The following KDM3B variants were observed in gnomAD, a reference collection of about 807,000 sequenced individuals.
KDM3B encodes lysine-specific demethylase 3B.
KDM3B carries 10 observed loss-of-function variants against 170.0 expected under a neutral mutation model. The ratio of observed to expected loss-of-function variants is 0.06; its 90% CI spans 0.04 to 0.10. The LOEUF (loss-of-function observed/expected upper bound fraction) is 0.10, where lower values mean the gene tolerates loss of function less well. KDM3B is among the 10% of genes least tolerant of loss of function. KDM3B has a pLI of 1.00. For missense variants in KDM3B, 1,394 were observed against 2,195.2 expected, an observed-to-expected ratio of 0.64 and a Z score of 7.29; for synonymous variants, 831 against 834.8, an observed-to-expected ratio of 1.00 and a Z score of 0.08.
intron 11 of KDM3B, among the ~76,000 whole-genome samples, chr5:138,414,088 T>C (rs888071136): frequency 7.2e-5 from 11 of 152,248 alleles, no homozygotes; most frequent in African/African-American, 2.7e-4. Context: ...AAAAGCATTA[T>C]GCCAAGTGAA....
intron 3 of KDM3B, among the ~76,000 whole-genome samples, 163 bp downstream of exon 3, chr5:138,375,369 AT>A (rs200891608): frequency 2.0e-5 from 3 of 149,740 alleles, no homozygotes; most frequent in Non-Finnish European, 3.0e-5. Flanking sequence ...ATTTTATTTT[AT>A]TTTATTTATT....
In KDM3B at chr5:138,419,060, C is replaced by T. The variant is rs974406487; in HGVS notation, c.3543C>T (p.Ala1181=). Reference sequence around the variant, plus strand: ...CAGAGCCGGACCATGTTCCCAAAGCCGACAGCACTGACATCAGATCTGAAG... The same window carrying T: ...CAGAGCCGGACCATGTTCCCAAAGCTGACAGCACTGACATCAGATCTGAAG... ...TTPEPDHVPK[A]DSTDIRSEEP... The change falls in exon 14 of 24, where the codon GCC becomes GCT. Residue 1181 remains alanine (A), a synonymous_variant. Coordinates refer to ENST00000314358, the MANE Select transcript of KDM3B (RefSeq NM_016604.4). 1.9e-5 allele frequency: 31 copies of T among 1,614,032 alleles called. No homozygotes were observed. Among genetic ancestry groups the T allele is most frequent in the African/African-American group, 4.0e-5 (3 of 74,890 alleles).
Position 138,379,566 on chromosome 5 carries a change from G to T in KDM3B, c.581-18G>T. On this transcript the variant is annotated intron_variant, in intron 4 of 23. Coordinates refer to ENST00000314358, the MANE Select transcript of KDM3B (RefSeq NM_016604.4). ...AGCTTAGCCAAAAATACTCAATACT[G>T]ACTGATCTCCCTTTTAGGTCCCTAC... is the stretch of plus-strand genomic sequence containing the variant. 1 of 1,603,848 alleles carries T rather than the reference G, an allele frequency of 6.2e-7. No individual in the cohort carries two copies.
intron 4 of KDM3B, 47 bp downstream of exon 4, chr5:138,377,872 G>C (rs1762037090): frequency 7.3e-7 from 1 of 1,362,500 alleles, no homozygotes. Flanking sequence ...TCAGGTGAAT[G>C]ATCACTGTTG....
At chr5:138,407,688 A>G (rs1465354205) in intron 11 of KDM3B, among the ~76,000 whole-genome samples, 4 of 152,174 alleles carry the variant, frequency 2.6e-5, no homozygotes, top group Admixed American at 6.5e-5. Context: ...GCTAACAGCA[A>G]TCAAACTCCA....
chr5:138,364,626 G>C (rs558404891), intron 1 of KDM3B, among the ~76,000 whole-genome samples: 1 of 151,232 alleles, frequency 6.6e-6, no homozygotes, highest in East Asian at 1.9e-4. Flanking sequence ...ACTCTGACCT[G>C]AGTTTGCTTA....
intron 16 of KDM3B, 102 bp from the exon 17 acceptor site, chr5:138,425,309 A>G (rs966859528): frequency 3.0e-6 from 3 of 999,846 alleles, no homozygotes; most frequent in Non-Finnish European, 4.4e-6. Context: ...AGCTTCCTGG[A>G]GAAGAGGAGG....
chr5:138,424,056 G>A lies in KDM3B; in HGVS notation c.3973-19G>A, dbSNP rs750098857. 1 of 1,522,374 alleles carries A rather than the reference G, an allele frequency of 6.6e-7. No homozygotes were observed. The highest frequency in any genetic ancestry group is 1.3e-5 in the South Asian group (1 of 76,204). 94.3% of individuals were successfully genotyped at this position (1,522,374 alleles called of 1,614,324 possible). On this transcript the variant is annotated intron_variant, in intron 15 of 23. Coordinates refer to ENST00000314358, the MANE Select transcript of KDM3B (RefSeq NM_016604.4). Reference sequence around the variant, plus strand: ...ATGGTGCCTCAGTCAAGCTTACCTGGTGGATTTGTGTCTGGCAGGGAGTGA... The same window carrying A: ...ATGGTGCCTCAGTCAAGCTTACCTGATGGATTTGTGTCTGGCAGGGAGTGA...
At chr5:138,365,291 G>A (rs1161851166) in intron 1 of KDM3B, among the ~76,000 whole-genome samples, 1 of 151,274 alleles carries the variant, frequency 6.6e-6, no homozygotes, top group Non-Finnish European at 1.5e-5. Flanking sequence ...ACAAAGTTTC[G>A]CTCTTGTCTC....
At position 138,424,240 on chromosome 5, in the gene KDM3B, A is replaced by T. The variant is rs751978238; in HGVS notation, c.4138A>T (p.Thr1380Ser). ...GGGGTTAAATGTGCTAGATCCCCAT[A>T]CTTCTCACTCCTGGCTTTGTGATGG... ...VMGLNVLDPH[T>S]SHSWLCDGRL... The change falls in exon 16 of 24, where the codon ACT becomes TCT. Residue 1380 changes from threonine (T) to serine (S), a missense_variant. Around this residue, in one of 19 missense-constraint regions of KDM3B, gnomAD observed 137 missense variants for 166.9 expected, o/e 0.82. Transcript: ENST00000314358. 3.1e-6 allele frequency: 5 copies of T among 1,613,988 alleles called. No individual in the cohort carries two copies. Among genetic ancestry groups the T allele is most frequent in the Non-Finnish European group, 4.2e-6 (5 of 1,179,998 alleles).
chr5:138,403,317 C>T (rs1762734775), intron 11 of KDM3B, among the ~76,000 whole-genome samples: 1 of 151,998 alleles, frequency 6.6e-6, no homozygotes, highest in Non-Finnish European at 1.5e-5. Context: ...ACTTACATGA[C>T]CAGTAAGCTG....
At chr5:138,429,311 C>G (rs1358955909) in intron 20 of KDM3B, among the ~76,000 whole-genome samples, 2 of 152,130 alleles carry the variant, frequency 1.3e-5, no homozygotes, top group Non-Finnish European at 2.9e-5. Flanking sequence ...CTCAGCCTCT[C>G]AAAGTGCTGG....
chr5:138,362,551 T>TACACACACACAC (rs370412367), intron 1 of KDM3B, among the ~76,000 whole-genome samples: 2 of 124,684 alleles, frequency 1.6e-5, no homozygotes, highest in African/African-American at 2.7e-5. Flanking sequence ...TATATGTGTA[T>TACACACACACAC]ACACACACAC....
At chr5:138,373,738 G>A (rs1308842966) in intron 2 of KDM3B, among the ~76,000 whole-genome samples, 1 of 152,116 alleles carries the variant, frequency 6.6e-6, no homozygotes, top group Non-Finnish European at 1.5e-5. Context: ...ACCTGCTTCA[G>A]CCTCCCAAAG....
At chr5:138,398,138 G>A (rs774890380) in intron 9 of KDM3B, 40 bp from the exon 10 acceptor site, 30 of 1,499,986 alleles carry the variant, frequency 2.0e-5, no homozygotes, top group Non-Finnish European at 2.0e-5. Flanking sequence ...GTTAGTTTGC[G>A]TTGCTCCTGC....
At chr5:138,380,233 C>T (rs1370225714) in intron 5 of KDM3B, among the ~76,000 whole-genome samples, 2 of 151,664 alleles carry the variant, frequency 1.3e-5, no homozygotes, top group East Asian at 3.9e-4. Flanking sequence ...GTGATCCGCC[C>T]ACCTCAGCCT....
rs528989730 is a variant in KDM3B, at chr5:138,387,997, C to T, written c.1380+1376C>T. ...TCGGGAGGCTGAGGCAGGAGGATGG[C>T]GTGAACCTGGGAGGTGGAGCTTGCA... On this transcript the variant is annotated intron_variant, in intron 7 of 23. Transcript: ENST00000314358. Among the ~76,000 whole-genome samples the T allele has an allele frequency of 3.3e-5, 5 of 152,018 alleles. No individual in the cohort carries two copies. The South Asian group carries it at 8.4e-4, about 25-fold the overall frequency.
chr5:138,395,187 A>G (rs925673902), intron 9 of KDM3B, among the ~76,000 whole-genome samples: 1 of 152,204 alleles, frequency 6.6e-6, no homozygotes, highest in African/African-American at 2.4e-5. Flanking sequence ...ATACAGCTCT[A>G]GAGTTAAGGG....
intron 9 of KDM3B, among the ~76,000 whole-genome samples, chr5:138,396,123 T>TG (rs1762539521): frequency 6.6e-6 from 1 of 151,526 alleles, no homozygotes; most frequent in Non-Finnish European, 1.5e-5. Flanking sequence ...TTTTTTTAGA[T>TG]GGAGTCTTGC....
Sources: gnomAD v4.1 joint callset for allele counts (sites outside exome capture counted in the v4.1 genomes callset) on GRCh38, gnomAD v4.1.1 for gene constraint, gnomAD v4.1.1 regional missense constraint, MANE v1.5 for transcripts, NCBI Gene and HGNC (gene_info 2026-07-23, HGNC 2026-07-21) for gene names.